CHRM3: variants seen among roughly 807,000 people sequenced by gnomAD.
CHRM3 encodes cholinergic receptor muscarinic 3, also known as muscarinic acetylcholine receptor M3.
A neutral mutation model predicts 41.8 loss-of-function variants in CHRM3; 11 were observed. The ratio of observed to expected loss-of-function variants is 0.26; its 90% CI spans 0.17 to 0.44. The LOEUF is 0.44. Ranked by LOEUF, CHRM3 falls within the 20% of genes least tolerant of loss-of-function variation. The pLI, the probability that CHRM3 is intolerant of heterozygous loss-of-function variation, is 1.00. For synonymous variants in CHRM3, 297 were observed against 301.4 expected (o/e 0.99, Z 0.15); for missense variants, 571 against 745.4 (o/e 0.77, Z 2.72).
rs113980477 is a variant in CHRM3 at position 239,795,404 on chromosome 1, A to G, written c.-146-31848A>G. 1.1e-3 allele frequency among the ~76,000 whole-genome samples: 169 copies of G among 152,320 alleles called. 1 individual carries two copies. The highest frequency in any genetic ancestry group is 3.9e-3 in the African/African-American group (161 of 41,566). ...AGTTTTGCTCAGCAATTGCATTGAG[A>G]GTGACTTGGACAATTAATTACCCAT... On this transcript the variant is annotated intron_variant, in intron 5 of 6. Transcript: ENST00000676153.
At chr1:239,756,270 A>G (rs894211222) in intron 5 of CHRM3, among the ~76,000 whole-genome samples, 1 of 152,190 alleles carries the variant, frequency 6.6e-6, no homozygotes, top group African/African-American at 2.4e-5. Flanking sequence ...CACTCATTAC[A>G]GTGATGAAGG....
chr1:239,828,285 CAT>C (rs1017670188), intron 6 of CHRM3, among the ~76,000 whole-genome samples: 2 of 152,004 alleles, frequency 1.3e-5, no homozygotes, highest in African/African-American at 4.8e-5. Flanking sequence ...TAAATACACA[CAT>C]AGACACATGC....
chr1:239,462,541 C>T (rs1665435074), intron 1 of CHRM3, among the ~76,000 whole-genome samples: 1 of 152,172 alleles, frequency 6.6e-6, no homozygotes, highest in Non-Finnish European at 1.5e-5. Flanking sequence ...ACTTTTACAG[C>T]TGCCTGCAGG....
chr1:239,539,574 C>T (rs1398327846), intron 2 of CHRM3, among the ~76,000 whole-genome samples: 3 of 152,162 alleles, frequency 2.0e-5, no homozygotes, highest in Non-Finnish European at 2.9e-5. Flanking sequence ...TTTTGGTCAA[C>T]GATGGACCAC....
chr1:239,439,513 TGA>T (rs1663538594), intron 1 of CHRM3, among the ~76,000 whole-genome samples: 1 of 151,866 alleles, frequency 6.6e-6, no homozygotes. Flanking sequence ...ATAAGAACAA[TGA>T]GAGGAGAATT....
At chr1:239,435,105 G>T (rs750177294) in intron 1 of CHRM3, among the ~76,000 whole-genome samples, 3 of 152,066 alleles carry the variant, frequency 2.0e-5, no homozygotes, top group Admixed American at 6.6e-5. Flanking sequence ...GTAACTTTTC[G>T]GAAATTAAAG....
intron 3 of CHRM3, among the ~76,000 whole-genome samples, chr1:239,630,850 G>C (rs1669735090): frequency 6.9e-6 from 1 of 144,238 alleles, no homozygotes; most frequent in Non-Finnish European, 1.5e-5. Context: ...TGGAATGATA[G>C]CTCCAGCCCT....
At chr1:239,513,867 C>G (rs1669084408) in intron 2 of CHRM3, among the ~76,000 whole-genome samples, 1 of 152,056 alleles carries the variant, frequency 6.6e-6, no homozygotes, top group Non-Finnish European at 1.5e-5. Flanking sequence ...CTGGTTGTCC[C>G]AGCACCATTT....
intron 1 of CHRM3, among the ~76,000 whole-genome samples, chr1:239,467,415 C>T (rs1238392663): frequency 1.3e-5 from 2 of 152,038 alleles, no homozygotes; most frequent in African/African-American, 4.8e-5. Context: ...GATTCTCCTA[C>T]CTCAGCCTCC....
chr1:239,645,630 G>A lies in CHRM3; in HGVS notation c.-250+13344G>A, dbSNP rs561433000. On this transcript the variant is annotated intron_variant, in intron 4 of 6. Transcript: ENST00000676153. ...ATGTCATACACAAAACAAACACAACGCAGAAAAGCTAGGATAGGTTAAGGT... is the reference window on the plus strand; with the variant it reads ...ATGTCATACACAAAACAAACACAACACAGAAAAGCTAGGATAGGTTAAGGT... Among the ~76,000 whole-genome samples, 53 of 152,186 alleles carry A rather than the reference G, an allele frequency of 3.5e-4. No individual in the cohort carries two copies. In the South Asian group the frequency reaches 8.9e-3, roughly 26 times the overall value.
intron 1 of CHRM3, among the ~76,000 whole-genome samples, chr1:239,410,643 G>C (rs1660993833): frequency 6.6e-6 from 1 of 152,032 alleles, no homozygotes; most frequent in Admixed American, 6.6e-5. Flanking sequence ...TTCCTCTCTG[G>C]AGGGGTTCTG....
chr1:239,833,622 C>G (rs953770590), intron 6 of CHRM3, among the ~76,000 whole-genome samples: 5 of 152,176 alleles, frequency 3.3e-5, no homozygotes, highest in Non-Finnish European at 7.4e-5. Context: ...TTCCTGCACG[C>G]TGGCTGAGGA....
intron 2 of CHRM3, among the ~76,000 whole-genome samples, chr1:239,504,178 C>A (rs1572528160): frequency 2.0e-5 from 3 of 152,098 alleles, no homozygotes; most frequent in Admixed American, 2.0e-4. Context: ...GGACTAATAT[C>A]CAGAATCTAC....
intron 5 of CHRM3, among the ~76,000 whole-genome samples, chr1:239,678,874 TG>T (rs1658260080): frequency 6.6e-6 from 1 of 152,170 alleles, no homozygotes; most frequent in African/African-American, 2.4e-5. Flanking sequence ...ATATGCTGTT[TG>T]ATAATATTAA....
chr1:239,851,171 T>A (rs1674667792), intron 6 of CHRM3, among the ~76,000 whole-genome samples: 2 of 152,162 alleles, frequency 1.3e-5, no homozygotes, highest in Non-Finnish European at 2.9e-5. Context: ...TTATGCTTCA[T>A]TTTGAAGTCA....
chr1:239,418,102 G>A (rs772913376), intron 1 of CHRM3, among the ~76,000 whole-genome samples: 10 of 152,104 alleles, frequency 6.6e-5, no homozygotes, highest in African/African-American at 1.4e-4. Context: ...TTCACTTGCC[G>A]CAGTAGCAGG....
chr1:239,722,473 A>T (rs1245484832), intron 5 of CHRM3, among the ~76,000 whole-genome samples: 3 of 151,950 alleles, frequency 2.0e-5, no homozygotes, highest in African/African-American at 4.8e-5. Flanking sequence ...ACAAATAACA[A>T]AATCTTAAGA....
rs1666031939 is a variant in CHRM3, at chr1:239,604,726, A to G, written c.-312-27498A>G. Among the ~76,000 whole-genome samples, 3 of 152,344 alleles carry G rather than the reference A, an allele frequency of 2.0e-5. No individual in the cohort carries two copies. The South Asian group carries it at 6.2e-4, about 32-fold the overall frequency. ...GATGCATTCCAACCTGAGAACTTTTAGATATTTTCATTGTTTCCTTAATCT... is the reference window on the plus strand; with the variant it reads ...GATGCATTCCAACCTGAGAACTTTTGGATATTTTCATTGTTTCCTTAATCT... On this transcript the variant is annotated intron_variant, in intron 3 of 6. Transcript: ENST00000676153.
At chr1:239,470,949 A>AT (rs1195048762) in intron 1 of CHRM3, among the ~76,000 whole-genome samples, 1 of 152,124 alleles carries the variant, frequency 6.6e-6, no homozygotes, top group Non-Finnish European at 1.5e-5. Context: ...AGAGGCTTTA[A>AT]TTTTTTCATT....
Sources: allele counts gnomAD v4.1 joint callset (sites outside exome capture counted in the v4.1 genomes callset), GRCh38; gene constraint gnomAD v4.1.1; transcripts MANE v1.5; gene names NCBI Gene and HGNC (gene_info 2026-07-23, HGNC 2026-07-21).